The following IL23R variants were observed in gnomAD, a reference collection of about 807,000 sequenced individuals.
IL23R encodes the protein interleukin-23 receptor.
In IL23R, 34 loss-of-function variants were observed where a neutral mutation model predicts 56.9. That is an observed-to-expected ratio of 0.60 (90% CI 0.45 to 0.80). The LOEUF is 0.80. Ranked by LOEUF, IL23R falls within the 30% of genes least tolerant of loss-of-function variation. IL23R has a pLI of 0.00. For synonymous variants in IL23R, 230 were observed against 249.2 expected, an observed-to-expected ratio of 0.92 and a Z score of 0.73; for missense variants, 635 against 730.0, an observed-to-expected ratio of 0.87 and a Z score of 1.50.
At chr1:67,216,612 A>T (rs1570867066) in intron 6 of IL23R, among the ~76,000 whole-genome samples, 1 of 152,242 alleles carries the variant, frequency 6.6e-6, no homozygotes, top group Non-Finnish European at 1.5e-5. Flanking sequence ...TGTTCCAATT[A>T]AAATTTCATT....
chr1:67,211,761 T>C (rs545558596), intron 6 of IL23R, among the ~76,000 whole-genome samples: 1 of 152,348 alleles, frequency 6.6e-6, no homozygotes, highest in African/African-American at 2.4e-5. Context: ...AGCCAACTGT[T>C]TTCTGGTTGA....
intron 4 of IL23R, among the ~76,000 whole-genome samples, chr1:67,190,661 C>T (rs948099377): frequency 2.0e-5 from 3 of 152,124 alleles, no homozygotes; most frequent in African/African-American, 2.4e-5. Context: ...ATTTATTTAG[C>T]ATTTGATGGT....
intron 1 of IL23R, among the ~76,000 whole-genome samples, chr1:67,154,123 CTGTT>C (rs1338354944): frequency 2.6e-5 from 4 of 152,170 alleles, no homozygotes; most frequent in African/African-American, 7.2e-5. Flanking sequence ...GTCTGAGAGA[CTGTT>C]TGTTATGATT....
intron 3 of IL23R, among the ~76,000 whole-genome samples, chr1:67,176,716 T>A (rs1322941437): frequency 6.6e-6 from 1 of 152,162 alleles, no homozygotes; most frequent in African/African-American, 2.4e-5. Context: ...ACATGTGCCA[T>A]GTTGGTGTGC....
Position 67,206,796 on chromosome 1 carries a change from T to G in IL23R, c.653-114T>G, listed in dbSNP as rs6698415. On this transcript the variant is annotated intron_variant, in intron 5 of 10. Coordinates refer to ENST00000347310, the MANE Select transcript of IL23R (RefSeq NM_144701.3). Reference sequence around the variant, plus strand: ...ATAATTGTTCATTAGACCATGAATTTTATTTTTTTTTACTTTGAGCTTTCT... The same window carrying G: ...ATAATTGTTCATTAGACCATGAATTGTATTTTTTTTTACTTTGAGCTTTCT... The G allele has an allele frequency of 6.4e-4, 752 of 1,174,716 alleles. 4 individuals are homozygous for G. The African/African-American group carries it at 9.9e-3, about 15-fold the overall frequency. The allele number at this position is 1,174,716 out of a possible 1,614,324, so 72.8% of individuals were successfully genotyped here. A position where few individuals can be genotyped will look rare whatever the true frequency, so the allele number is the denominator to read the frequency against.
At chr1:67,224,197 A>G (rs550711367) in intron 7 of IL23R, among the ~76,000 whole-genome samples, 6 of 152,362 alleles carry the variant, frequency 3.9e-5, no homozygotes, top group Admixed American at 3.9e-4. Flanking sequence ...ATTGCATCAT[A>G]CATAAAGATG....
downstream of IL23R, among the ~76,000 whole-genome samples, chr1:67,260,855 G>C (rs563047721): frequency 6.6e-6 from 1 of 152,166 alleles, no homozygotes; most frequent in African/African-American, 2.4e-5. Context: ...TATGATCAAT[G>C]ATCATGTGCC....
intron 3 of IL23R, among the ~76,000 whole-genome samples, chr1:67,178,565 CAG>C (rs1226739532): frequency 1.3e-5 from 2 of 152,190 alleles, no homozygotes; most frequent in African/African-American, 2.4e-5. Context: ...CATCTGCAAA[CAG>C]GGACAATTTG....
intron 8 of IL23R, among the ~76,000 whole-genome samples, chr1:67,238,656 G>C (rs2100322222): frequency 6.6e-6 from 1 of 152,224 alleles, no homozygotes; most frequent in East Asian, 1.9e-4. Context: ...TCAAACCCAG[G>C]TATATCAGGC....
chr1:67,178,226 G>A (rs1429912264), intron 3 of IL23R, among the ~76,000 whole-genome samples: 5 of 151,948 alleles, frequency 3.3e-5, no homozygotes, highest in African/African-American at 4.8e-5. Flanking sequence ...CCATTTTCAC[G>A]ATATTGATTC....
downstream of IL23R, among the ~76,000 whole-genome samples, chr1:67,263,850 C>T (rs972688007): frequency 1.1e-4 from 16 of 139,976 alleles, no homozygotes; most frequent in African/African-American, 2.7e-4. Context: ...GGCAACAGAG[C>T]GAGACTCCAT....
chr1:67,212,067 T>C (rs1004559105), intron 6 of IL23R, among the ~76,000 whole-genome samples: 5 of 147,144 alleles, frequency 3.4e-5, no homozygotes, highest in African/African-American at 1.3e-4. Flanking sequence ...AAATAAATAT[T>C]TAGAAAATGA....
Position 67,259,102 on chromosome 1 carries a change from A to T in IL23R, c.1864A>T (p.Asn622Tyr), listed in dbSNP as rs369367934. ...ACAAAATATTTTGGAAAGCCACTTCAATAGGATTTCACTCTTGGAAAAGTA... is the reference window on the plus strand; with the variant it reads ...ACAAAATATTTTGGAAAGCCACTTCTATAGGATTTCACTCTTGGAAAAGTA... ...FPQNILESHF[N>Y]RISLLEK The change falls in exon 11 of 11, where the codon AAT becomes TAT. Residue 622 changes from asparagine to tyrosine, a missense_variant. Physicochemically the swap from Asn to Tyr is moderately radical, Grantham distance 143. Transcript: ENST00000347310. The T allele has an allele frequency of 1.2e-6, 2 of 1,613,916 alleles. No homozygotes were observed. Among genetic ancestry groups the T allele is most frequent in the Admixed American group, 1.7e-5 (1 of 59,980 alleles).
intron 1 of IL23R, among the ~76,000 whole-genome samples, chr1:67,148,744 G>A: frequency 6.6e-6 from 1 of 152,232 alleles, no homozygotes; most frequent in African/African-American, 2.4e-5. Flanking sequence ...TGGGCAGAAG[G>A]TATTTCTTTC....
At chr1:67,228,605 C>T (rs1311104616) in intron 7 of IL23R, among the ~76,000 whole-genome samples, 1 of 152,036 alleles carries the variant, frequency 6.6e-6, no homozygotes. Flanking sequence ...AATTTATTAT[C>T]TTATAGTTCT....
intron 6 of IL23R, among the ~76,000 whole-genome samples, chr1:67,211,327 C>T (rs1034664712): frequency 6.6e-6 from 1 of 152,148 alleles, no homozygotes; most frequent in Non-Finnish European, 1.5e-5. Flanking sequence ...TTAAAGAATA[C>T]TGAGTTTCTT....
chr1:67,176,620 T>A (rs952853747), intron 3 of IL23R, among the ~76,000 whole-genome samples: 1 of 152,114 alleles, frequency 6.6e-6, no homozygotes, highest in Non-Finnish European at 1.5e-5. Context: ...GGCCAGTGAC[T>A]TTTTATTTAT....
At chr1:67,189,096 A>T (rs1322181608) in intron 4 of IL23R, among the ~76,000 whole-genome samples, 2 of 152,034 alleles carry the variant, frequency 1.3e-5, no homozygotes, top group Non-Finnish European at 2.9e-5. Context: ...AAAAATCTAG[A>T]AAGAGATGTT....
At chr1:67,219,179 C>A (rs1016168218) in intron 6 of IL23R, among the ~76,000 whole-genome samples, 3 of 151,922 alleles carry the variant, frequency 2.0e-5, no homozygotes, top group African/African-American at 7.3e-5. Flanking sequence ...CCAGCCTGGC[C>A]AACATGATGA....
Sources: gnomAD v4.1 joint callset for allele counts (sites outside exome capture counted in the v4.1 genomes callset) on GRCh38, gnomAD v4.1.1 for gene constraint, MANE v1.5 for transcripts, NCBI Gene and HGNC (gene_info 2026-07-23, HGNC 2026-07-21) for gene names.